LRMDA: variants seen among roughly 807,000 people sequenced by gnomAD.
LRMDA encodes leucine rich melanocyte differentiation associated, also known as leucine-rich melanocyte differentiation-associated protein.
LRMDA carries 18 observed loss-of-function variants against 29.8 expected under a neutral mutation model. That is an observed-to-expected ratio of 0.60 (90% confidence interval 0.42 to 0.90). LRMDA has a LOEUF of 0.90. LRMDA is among the 40% of genes least tolerant of loss of function. LRMDA has a pLI of 0.00. For synonymous variants in LRMDA, 125 were observed against 109.4 expected (o/e 1.14, Z -0.89); for missense variants, 273 against 273.9 (o/e 1.00, Z 0.02).
At chr10:76,229,953 C>T (rs537264169) in intron 5 of LRMDA, among the ~76,000 whole-genome samples, 2 of 152,254 alleles carry the variant, frequency 1.3e-5, no homozygotes, top group Admixed American at 6.5e-5. Context: ...TAACCAGTTT[C>T]AGGTATTTCT....
At chr10:75,547,443 C>T (rs1175878997) in intron 2 of LRMDA, among the ~76,000 whole-genome samples, 1 of 152,184 alleles carries the variant, frequency 6.6e-6, no homozygotes, top group African/African-American at 2.4e-5. Context: ...AGTATCTTTC[C>T]TTCGTCTGCT....
intron 2 of LRMDA, among the ~76,000 whole-genome samples, chr10:75,683,814 C>G (rs1280037932): frequency 6.6e-6 from 1 of 152,220 alleles, no homozygotes; most frequent in Non-Finnish European, 1.5e-5. Context: ...TACACACCTA[C>G]TCTGTGCTAG....
chr10:76,291,306 G>A (rs910855150), intron 5 of LRMDA, among the ~76,000 whole-genome samples: 1 of 152,082 alleles, frequency 6.6e-6, no homozygotes. Context: ...AATCATCTGG[G>A]ATATTGTGAT....
At chr10:76,097,972 G>A (rs556367625) in intron 5 of LRMDA, among the ~76,000 whole-genome samples, 1 of 152,040 alleles carries the variant, frequency 6.6e-6, no homozygotes, top group South Asian at 2.1e-4. Context: ...TCTTTGCATT[G>A]GGGAAATTCA....
chr10:75,823,400 C>G (rs1320079542), intron 2 of LRMDA, among the ~76,000 whole-genome samples: 1 of 152,050 alleles, frequency 6.6e-6, no homozygotes, highest in Non-Finnish European at 1.5e-5. Flanking sequence ...ATTAAAAACA[C>G]AATGAGATAC....
intron 2 of LRMDA, among the ~76,000 whole-genome samples, chr10:76,035,331 G>T (rs989596864): frequency 2.0e-5 from 3 of 152,042 alleles, no homozygotes; most frequent in Admixed American, 6.6e-5. Flanking sequence ...AAAAGAAAAA[G>T]CCCTCTCAGA....
chr10:76,011,908 G>A (rs1287962084), intron 2 of LRMDA, among the ~76,000 whole-genome samples: 1 of 152,184 alleles, frequency 6.6e-6, no homozygotes, highest in Non-Finnish European at 1.5e-5. Context: ...GAGACCAGAG[G>A]TGAGGGCAAG....
chr10:76,486,787 G>C (rs924896912), intron 6 of LRMDA, among the ~76,000 whole-genome samples: 1 of 151,822 alleles, frequency 6.6e-6, no homozygotes, highest in African/African-American at 2.4e-5. Context: ...CCTCTTTCTG[G>C]GTTTTATGCC....
At chr10:76,329,220 C>T (rs1386279868) in intron 6 of LRMDA, among the ~76,000 whole-genome samples, 6 of 152,210 alleles carry the variant, frequency 3.9e-5, no homozygotes, top group African/African-American at 1.2e-4. Flanking sequence ...TTTCAGTTCT[C>T]CCTCGAAGCT....
chr10:76,271,061 A>G (rs1840062608), intron 5 of LRMDA, among the ~76,000 whole-genome samples: 1 of 152,222 alleles, frequency 6.6e-6, no homozygotes, highest in Non-Finnish European at 1.5e-5. Context: ...TAGGCTACCC[A>G]GGCCAAATCT....
chr10:75,665,367 T>G (rs2395293), intron 2 of LRMDA, among the ~76,000 whole-genome samples: 30,831 of 152,118 alleles, frequency 0.2, 7,766 homozygotes, highest in African/African-American at 0.59. Flanking sequence ...TTATTCTTTT[T>G]ACTCTGACAT....
At chr10:75,925,064 G>C (rs1846096832) in intron 2 of LRMDA, among the ~76,000 whole-genome samples, 1 of 152,170 alleles carries the variant, frequency 6.6e-6, no homozygotes, top group African/African-American at 2.4e-5. Context: ...CCTCATCGGA[G>C]TATGCAGTCC....
chr10:76,040,676 T>C (rs1848325462), intron 3 of LRMDA, among the ~76,000 whole-genome samples: 1 of 152,150 alleles, frequency 6.6e-6, no homozygotes, highest in Non-Finnish European at 1.5e-5. Flanking sequence ...CCATATCATG[T>C]CTGAATAATC....
At chr10:76,545,638 TTTATTATTA>T (rs143193002) in intron 6 of LRMDA, among the ~76,000 whole-genome samples, 39,014 of 143,686 alleles carry the variant, frequency 0.27, 5,921 homozygotes, top group Non-Finnish European at 0.34. Flanking sequence ...GGAACAACCT[TTTATTATTA>T]TTATTATTAT....
chr10:76,050,243 A>C lies in LRMDA; in HGVS notation c.398+2940A>C, dbSNP rs182354133. ...GGGAAGTGACTCGATTTATGTAGTT[A>C]TTGGAAATGGCATCACAGAGCTTGA... On this transcript the variant is annotated intron_variant, in intron 4 of 6. Transcript: ENST00000611255. Among the ~76,000 whole-genome samples, 369 of 152,288 alleles carry C rather than the reference A, an allele frequency of 2.4e-3. 2 individuals carry two copies. The highest frequency in any genetic ancestry group is 7.4e-3 in the African/African-American group (309 of 41,550).
chr10:75,935,783 G>T (rs376604673), intron 2 of LRMDA, among the ~76,000 whole-genome samples: 3 of 152,288 alleles, frequency 2.0e-5, no homozygotes, highest in Non-Finnish European at 4.4e-5. Context: ...CTGGGAAGCC[G>T]TCTGTCCACA....
Position 76,551,603 on chromosome 10 carries a change from T to TG in LRMDA, c.602-5605dup, listed in dbSNP as rs572798082. Among the ~76,000 whole-genome samples the TG allele has an allele frequency of 2.0e-4, 30 of 152,358 alleles. 1 individual carries two copies. In the East Asian group the frequency reaches 5.6e-3, roughly 28 times the overall value. On this transcript the variant is annotated intron_variant, in intron 6 of 6. Transcript: ENST00000611255. ...AACTTCAGATAGTTTCAAGTAATGA[T>TG]GCATTTTTGATTTACAATAATTTCA...
At chr10:76,290,346 T>G (rs12570841) in intron 5 of LRMDA, among the ~76,000 whole-genome samples, 7,099 of 151,938 alleles carry the variant, frequency 0.047, 497 homozygotes, top group African/African-American at 0.15. Flanking sequence ...CAAGACTGAA[T>G]TATTTATATT....
intron 6 of LRMDA, among the ~76,000 whole-genome samples, chr10:76,555,384 G>A (rs919483913): frequency 3.3e-5 from 5 of 152,126 alleles, no homozygotes; most frequent in African/African-American, 1.2e-4. Flanking sequence ...GGGATTAGGG[G>A]CCAAGGAGAA....
Sources: allele counts gnomAD v4.1 joint callset (sites outside exome capture counted in the v4.1 genomes callset), GRCh38; gene constraint gnomAD v4.1.1; transcripts MANE v1.5; gene names NCBI Gene and HGNC (gene_info 2026-07-23, HGNC 2026-07-21).